The following STPG2 variants were observed in gnomAD, a reference collection of about 807,000 sequenced individuals.
STPG2 encodes the protein sperm tail PG-rich repeat containing 2.
A neutral mutation model predicts 54.2 loss-of-function variants in STPG2; 56 were observed. The ratio of observed to expected loss-of-function variants is 1.03; its 90% CI spans 0.83 to 1.29. The LOEUF is 1.29. STPG2 is among the 50% of genes most tolerant of loss of function. STPG2 has a pLI of 0.00. For missense variants in STPG2, 596 were observed against 544.9 expected, an observed-to-expected ratio of 1.09 and a Z score of -0.93; for synonymous variants, 200 against 181.8, an observed-to-expected ratio of 1.10 and a Z score of -0.81.
At position 97,997,549 on chromosome 4, in the gene STPG2, C is replaced by T. The variant is rs1735282229; in HGVS notation, c.613-16231G>A. 2.6e-5 allele frequency among the ~76,000 whole-genome samples: 4 copies of T among 152,292 alleles called. No homozygotes were observed. The South Asian group carries it at 8.3e-4, about 32-fold the overall frequency. ...TTCCTTATGATTCAATCACCTCCCA[C>T]CAAGTCCCACTTTCCAACATTGGAA... On this transcript the variant is annotated intron_variant, in intron 5 of 10. Transcript: ENST00000295268.
intron 8 of STPG2, among the ~76,000 whole-genome samples, chr4:97,895,188 C>A (rs774268174): frequency 3.5e-4 from 53 of 151,820 alleles, no homozygotes; most frequent in Admixed American, 1.1e-3. Flanking sequence ...AGAAATCTAC[C>A]ATTGTGCCAG....
At chr4:97,704,837 A>G (rs551292824) in intron 10 of STPG2, among the ~76,000 whole-genome samples, 1 of 152,210 alleles carries the variant, frequency 6.6e-6, no homozygotes, top group Non-Finnish European at 1.5e-5. Flanking sequence ...CCACAAAGAT[A>G]ATATGAACAT....
chr4:97,681,906 G>A (rs1262079937), intron 10 of STPG2, among the ~76,000 whole-genome samples: 1 of 151,714 alleles, frequency 6.6e-6, no homozygotes, highest in South Asian at 2.1e-4. Flanking sequence ...TAGTTCTGCT[G>A]ATATAATCAA....
chr4:97,739,760 T>G (rs561579670), intron 9 of STPG2, among the ~76,000 whole-genome samples: 2 of 152,288 alleles, frequency 1.3e-5, no homozygotes, highest in South Asian at 4.1e-4. Context: ...ACCAGATGGA[T>G]TCACAGCCAA....
At chr4:97,637,961 A>G (rs1325392464) in intron 10 of STPG2, among the ~76,000 whole-genome samples, 1 of 151,826 alleles carries the variant, frequency 6.6e-6, no homozygotes, top group Non-Finnish European at 1.5e-5. Flanking sequence ...TCAAGCTACC[A>G]ATGACTTTCT....
At chr4:97,765,885 G>A (rs932382953) in intron 9 of STPG2, among the ~76,000 whole-genome samples, 4 of 152,110 alleles carry the variant, frequency 2.6e-5, no homozygotes, top group Admixed American at 1.3e-4. Flanking sequence ...AAATATAAGA[G>A]TAAGAGAACT....
intron 9 of STPG2, among the ~76,000 whole-genome samples, chr4:97,725,281 G>T (rs1305574327): frequency 3.3e-5 from 5 of 151,572 alleles, no homozygotes; most frequent in East Asian, 1.9e-4. Flanking sequence ...ACCAAGAAGA[G>T]AATAGTACCA....
intron 8 of STPG2, among the ~76,000 whole-genome samples, chr4:97,875,124 T>C (rs750856635): frequency 1.3e-5 from 2 of 152,014 alleles, no homozygotes; most frequent in Non-Finnish European, 2.9e-5. Context: ...TGGTTAATAA[T>C]AATGGCTTTG....
At chr4:97,550,473 G>C (rs773843460) in intron 4 of STPG2, among the ~76,000 whole-genome samples, 15 of 152,056 alleles carry the variant, frequency 9.9e-5, no homozygotes, top group Non-Finnish European at 1.9e-4. Context: ...AGTGGTTTGG[G>C]CTTATAATAC....
intron 4 of STPG2, among the ~76,000 whole-genome samples, chr4:97,486,142 A>G (rs1435459736): frequency 1.3e-5 from 2 of 151,850 alleles, no homozygotes; most frequent in East Asian, 3.9e-4. Context: ...AGAACCCCAA[A>G]GCAAATGCAA....
chr4:97,505,901 C>G (rs772982564), intron 4 of STPG2, among the ~76,000 whole-genome samples: 13 of 150,256 alleles, frequency 8.7e-5, no homozygotes, highest in Non-Finnish European at 1.3e-4. Flanking sequence ...AATGGCTATC[C>G]TATGTATTTT....
chr4:97,945,778 G>C (rs1733191646), intron 7 of STPG2, among the ~76,000 whole-genome samples: 1 of 152,034 alleles, frequency 6.6e-6, no homozygotes, highest in Non-Finnish European at 1.5e-5. Flanking sequence ...GCCATTCTTG[G>C]ATGGGTACAG....
chr4:97,645,406 T>C (rs772174254), intron 10 of STPG2, among the ~76,000 whole-genome samples: 28 of 152,164 alleles, frequency 1.8e-4, no homozygotes, highest in South Asian at 1.0e-3. Context: ...AAAGATAGAG[T>C]TCATAAAATA....
chr4:97,724,583 A>C (rs1290838125), intron 9 of STPG2, among the ~76,000 whole-genome samples: 1 of 152,022 alleles, frequency 6.6e-6, no homozygotes, highest in Non-Finnish European at 1.5e-5. Context: ...AGTGTGGTGA[A>C]TTTTCTTATC....
chr4:98,134,029 T>G (rs1302393632), intron 2 of STPG2, among the ~76,000 whole-genome samples: 2 of 151,968 alleles, frequency 1.3e-5, no homozygotes, highest in African/African-American at 4.8e-5. Flanking sequence ...GCCATTCCTC[T>G]TCTACGCATT....
chr4:97,444,105 C>T (rs1198821644), intron 4 of STPG2, among the ~76,000 whole-genome samples: 1 of 151,876 alleles, frequency 6.6e-6, no homozygotes. Flanking sequence ...ATAAAATATA[C>T]AGACTGAAGT....
chr4:97,692,111 T>C (rs1378870262), intron 10 of STPG2, among the ~76,000 whole-genome samples: 1 of 151,850 alleles, frequency 6.6e-6, no homozygotes, highest in African/African-American at 2.4e-5. Flanking sequence ...TCCAGTAATA[T>C]GACAAAACAA....
chr4:97,822,649 T>C (rs1039208760), intron 9 of STPG2, among the ~76,000 whole-genome samples: 58 of 152,310 alleles, frequency 3.8e-4, no homozygotes, highest in African/African-American at 1.1e-3. Context: ...TGGGGAGGTC[T>C]CAAGGAGCTT....
At chr4:97,766,200 A>G (rs1726045114) in intron 9 of STPG2, among the ~76,000 whole-genome samples, 1 of 152,068 alleles carries the variant, frequency 6.6e-6, no homozygotes, top group Non-Finnish European at 1.5e-5. Context: ...TGTCCTATAG[A>G]CCAACTGTCC....
Sources: allele counts gnomAD v4.1 joint callset (sites outside exome capture counted in the v4.1 genomes callset), GRCh38; gene constraint gnomAD v4.1.1; transcripts MANE v1.5; gene names NCBI Gene and HGNC (gene_info 2026-07-23, HGNC 2026-07-21).